Variants in LRP5 observed in about 807,000 individuals in gnomAD.
The protein encoded by LRP5 is low-density lipoprotein receptor-related protein 5.
In LRP5, 62 loss-of-function variants were observed where a neutral mutation model predicts 154.1. That is an observed-to-expected ratio of 0.40 (90% CI 0.33 to 0.50). The LOEUF (loss-of-function observed/expected upper bound fraction) is 0.50. Ranked by LOEUF, LRP5 falls within the 20% of genes least tolerant of loss-of-function variation. The probability of loss-of-function intolerance (pLI) is 0.55; values close to 1 mark genes in which losing one functional copy is unlikely to be tolerated. For synonymous variants in LRP5, 966 were observed against 1,011.5 expected, an observed-to-expected ratio of 0.96 and a Z score of 0.85; for missense variants, 1,915 against 2,336.7, an observed-to-expected ratio of 0.82 and a Z score of 3.72.
intron 7 of LRP5, among the ~76,000 whole-genome samples, chr11:68,392,397 G>T (rs1342203606): frequency 6.6e-6 from 1 of 152,050 alleles, no homozygotes. Context: ...CCAGCTACTC[G>T]GGAGGCTGAG....
chr11:68,305,013 A>T, the LRP5 span, among the ~76,000 whole-genome samples: 1 of 152,098 alleles, frequency 6.6e-6, no homozygotes, highest in Non-Finnish European at 1.5e-5. Context: ...GGCTACTGGG[A>T]AGGCATGACT....
At chr11:68,403,809 G>A in intron 8 of LRP5, 110 bp downstream of exon 8, 1 of 1,295,198 alleles carries the variant, frequency 7.7e-7, no homozygotes, top group Non-Finnish European at 1.1e-6. Flanking sequence ...CCCGACCTGG[G>A]GAAGGGCAGG....
chr11:68,446,834 G>A, intron 22 of LRP5: 1 of 417,180 alleles, frequency 2.4e-6, no homozygotes, highest in South Asian at 2.1e-5. Context: ...GAGGGGCCGG[G>A]GGCTTGGGCT....
At chr11:68,349,236 G>T (rs1356739426) in intron 2 of LRP5, among the ~76,000 whole-genome samples, 8 of 151,858 alleles carry the variant, frequency 5.3e-5, no homozygotes, top group Non-Finnish European at 1.0e-4. Flanking sequence ...TTTCACCATG[G>T]TGTCTAGGCT....
intron 11 of LRP5, among the ~76,000 whole-genome samples, chr11:68,412,796 A>C (rs1381734311): frequency 6.6e-6 from 1 of 152,196 alleles, no homozygotes; most frequent in Non-Finnish European, 1.5e-5. Flanking sequence ...TGGCCCTAGG[A>C]GAGCCTCTGA....
intron 5 of LRP5, among the ~76,000 whole-genome samples, chr11:68,382,507 TG>T (rs2098640793): frequency 6.6e-6 from 1 of 152,182 alleles, no homozygotes; most frequent in African/African-American, 2.4e-5. Context: ...TGTTCACGGA[TG>T]GTGTCGTTCA....
In LRP5 at chr11:68,433,651, C is replaced by A; in HGVS notation, c.3813C>A (p.Ile1271=). 1 of 1,613,476 alleles carries A rather than the reference C, an allele frequency of 6.2e-7. No individual in the cohort carries two copies. The part of the protein sequence containing the change: ...PDQFACATGE[I]DCIPGAWRCD... ...AGTTTGCATGTGCCACAGGGGAGAT[C>A]GACTGTATCCCCGGGGCCTGGCGCT... Residue 1271 remains isoleucine, a synonymous_variant, in exon 18 of 23, where the codon ATC becomes ATA. Transcript: ENST00000294304.
At position 68,348,250 on chromosome 11, in the gene LRP5, C is replaced by G. The variant is rs938953195; in HGVS notation, c.488+7C>G. The G allele has an allele frequency of 1.2e-5, 19 of 1,603,238 alleles. No homozygotes were observed. Among genetic ancestry groups the G allele is most frequent in the Non-Finnish European group, 1.6e-5 (19 of 1,179,982 alleles). ...CCTTGGACCCCGCTCACGGGTAAAC[C>G]CTGCTGCGACTCCACCTGGGTCCAG... On this transcript the variant is annotated splice_region_variant and intron_variant, in intron 2 of 22. Transcript: ENST00000294304.
In LRP5 at chr11:68,411,419, T is replaced by C; in HGVS notation, c.2319-17T>C. The C allele has an allele frequency of 6.2e-7, 1 of 1,608,932 alleles. No individual in the cohort carries two copies. Among genetic ancestry groups the C allele is most frequent in the Non-Finnish European group, 8.5e-7 (1 of 1,179,946 alleles). On this transcript the variant is annotated splice_polypyrimidine_tract_variant and intron_variant, in intron 10 of 22. Coordinates refer to ENST00000294304, the MANE Select transcript of LRP5 (RefSeq NM_002335.4). ...AGCAGACTCACTGAGCCTGCCCTTC[T>C]CCCTTGTGCCTTCCAGCTACATCTA...
intron 7 of LRP5, among the ~76,000 whole-genome samples, chr11:68,393,536 T>A (rs1328256749): frequency 6.6e-6 from 1 of 152,198 alleles, no homozygotes; most frequent in Non-Finnish European, 1.5e-5. Flanking sequence ...ATCCCAGCAC[T>A]TTGGGAGGCC....
rs560387646 is a variant in LRP5, at chr11:68,398,808, C to T, written c.1585-4675C>T. 1.2e-4 allele frequency among the ~76,000 whole-genome samples: 18 copies of T among 152,198 alleles called. No homozygotes were observed. In the East Asian group the frequency reaches 3.1e-3, roughly 26 times the overall value. On this transcript the variant is annotated intron_variant, in intron 7 of 22. Coordinates refer to ENST00000294304, the MANE Select transcript of LRP5 (RefSeq NM_002335.4). ...TGGAGTGCAGTGCTATGGCATGGCT[C>T]GCTGTACCCTTGACCTCCCAGGCTC...
At chr11:68,306,905 C>T in the LRP5 span, among the ~76,000 whole-genome samples, 1 of 152,148 alleles carries the variant, frequency 6.6e-6, no homozygotes, top group East Asian at 1.9e-4. Flanking sequence ...GGGTGACAGC[C>T]GAGGTGAGTG....
intron 7 of LRP5, among the ~76,000 whole-genome samples, chr11:68,400,122 T>C (rs1444419395): frequency 1.3e-5 from 2 of 152,130 alleles, no homozygotes; most frequent in Admixed American, 6.5e-5. Context: ...AGCCAGCGTC[T>C]TGCGCTTGCC....
At chr11:68,341,087 A>C in intron 1 of LRP5, among the ~76,000 whole-genome samples, 1 of 60,116 alleles carries the variant, frequency 1.7e-5, no homozygotes, top group Admixed American at 2.1e-4. Flanking sequence ...TTGCTATTAC[A>C]AATAAGGCCT....
intron 10 of LRP5, 142 bp downstream of exon 10, chr11:68,410,282 C>G: frequency 1.3e-6 from 1 of 753,926 alleles, no homozygotes. Context: ...TGATGGTGGC[C>G]AGGACTGGTA....
intron 7 of LRP5, among the ~76,000 whole-genome samples, chr11:68,392,150 A>G (rs188470506): frequency 6.6e-6 from 1 of 152,188 alleles, no homozygotes; most frequent in African/African-American, 2.4e-5. Context: ...CACGCAGCTC[A>G]ATGATTTTAT....
intron 3 of LRP5, among the ~76,000 whole-genome samples, chr11:68,362,216 T>C (rs1027329629): frequency 6.6e-6 from 1 of 152,030 alleles, no homozygotes; most frequent in African/African-American, 2.4e-5. Context: ...ATGTTGAGAA[T>C]GTGTGTAGTT....
intron 2 of LRP5, among the ~76,000 whole-genome samples, chr11:68,355,889 G>C (rs1173925084): frequency 1.3e-5 from 2 of 151,996 alleles, no homozygotes; most frequent in East Asian, 3.8e-4. Flanking sequence ...CCCAGGCTGA[G>C]AGTGCAGTGG....
chr11:68,448,678 C>A (rs754258415), intron 22 of LRP5, 131 bp from the exon 23 acceptor site: 12 of 1,158,754 alleles, frequency 1.0e-5, no homozygotes, highest in Non-Finnish European at 1.4e-5. Context: ...CGGGGTGGGT[C>A]CAGAGTCCGG....
Sources: allele counts gnomAD v4.1 joint callset (sites outside exome capture counted in the v4.1 genomes callset), GRCh38; gene constraint gnomAD v4.1.1; transcripts MANE v1.5; gene names NCBI Gene and HGNC (gene_info 2026-07-23, HGNC 2026-07-21).